RGS12: variants seen among roughly 807,000 people sequenced by gnomAD.
RGS12 encodes regulator of G-protein signaling 12.
In RGS12, 66 loss-of-function variants were observed where a neutral mutation model predicts 120.1. The observed-to-expected ratio is 0.55, with a 90% confidence interval of 0.45 to 0.67. RGS12 has a LOEUF of 0.67. Ranked by LOEUF, RGS12 falls within the 30% of genes least tolerant of loss-of-function variation. The pLI is 0.00. For synonymous variants in RGS12, 827 were observed against 804.7 expected (o/e 1.03, Z -0.47); for missense variants, 1,859 against 1,957.7 (o/e 0.95, Z 0.95).
chr4:3,347,774 T>G (rs976030498), intron 3 of RGS12, among the ~76,000 whole-genome samples: 3 of 152,230 alleles, frequency 2.0e-5, no homozygotes, highest in African/African-American at 7.2e-5. Flanking sequence ...GAAAACAGAA[T>G]AGCTATGGTT....
intron 3 of RGS12, among the ~76,000 whole-genome samples, chr4:3,344,054 C>T (rs140169665): frequency 2.6e-5 from 4 of 152,224 alleles, no homozygotes; most frequent in Non-Finnish European, 5.9e-5. Flanking sequence ...TCTCCTTCAG[C>T]GCGTGTGGGA....
chr4:3,332,977 C>A (rs1171519431), intron 2 of RGS12, among the ~76,000 whole-genome samples: 2 of 151,852 alleles, frequency 1.3e-5, no homozygotes, highest in African/African-American at 4.8e-5. Context: ...GGGCACATGC[C>A]ACCACACCTG....
At chr4:3,349,297 C>T (rs983024423) in intron 3 of RGS12, among the ~76,000 whole-genome samples, 4 of 152,178 alleles carry the variant, frequency 2.6e-5, no homozygotes, top group African/African-American at 9.7e-5. Context: ...AGCCTTTCTG[C>T]TTTGTTCTGT....
intron 2 of RGS12, among the ~76,000 whole-genome samples, chr4:3,331,981 C>G (rs75129253): frequency 6.6e-6 from 1 of 152,306 alleles, no homozygotes; most frequent in South Asian, 2.1e-4. Context: ...GGAATGGTAT[C>G]GCAGTGAGGA....
rs1285020090 is a variant in RGS12, at chr4:3,428,620, T to C, written c.3474T>C (p.Asn1158=). Reference sequence around the variant, plus strand: ...AAATAAAAGGAGAAAATGGAAAAAATGCTAGGGATCCCCGGCTTTCAAAGA... The same window carrying C: ...AAATAAAAGGAGAAAATGGAAAAAACGCTAGGGATCCCCGGCTTTCAAAGA... The part of the protein sequence containing the change: ...SIKIKGENGK[N]ARDPRLSKRE... The change falls in exon 16 of 18, where the codon AAT becomes AAC. Residue 1158 remains asparagine (N), a synonymous_variant. Coordinates refer to ENST00000336727, the MANE Select transcript of RGS12 (RefSeq NM_001394154.1). The C allele has an allele frequency of 1.2e-6, 2 of 1,605,028 alleles. No individual in the cohort carries two copies. The highest frequency in any genetic ancestry group is 3.4e-5 in the Admixed American group (2 of 58,244).
At chr4:3,423,116 A>AGGGGGGGGGGGGGGGGGGGGGGGG in intron 12 of RGS12, 138 bp downstream of exon 12, 1 of 390,972 alleles carries the variant, frequency 2.6e-6, no homozygotes, top group Non-Finnish European at 5.0e-6. Context: ...GGGCGGGGGG[A>AGGGGGGGGGGGGGGGGGGGGGGGG]GGGTGGAGGC....
At chr4:3,318,609 CAAG>C (rs1310732920) in intron 2 of RGS12, among the ~76,000 whole-genome samples, 1 of 152,238 alleles carries the variant, frequency 6.6e-6, no homozygotes, top group Non-Finnish European at 1.5e-5. Flanking sequence ...AGGGGTACCT[CAAG>C]GTGTGTAGTG....
intron 3 of RGS12, among the ~76,000 whole-genome samples, chr4:3,384,503 G>A (rs929215220): frequency 1.3e-5 from 2 of 152,174 alleles, no homozygotes; most frequent in Non-Finnish European, 2.9e-5. Context: ...GATTTATTGC[G>A]GGCATGGAAG....
intron 2 of RGS12, among the ~76,000 whole-genome samples, chr4:3,321,458 T>G (rs1725183616): frequency 6.6e-6 from 1 of 152,130 alleles, no homozygotes; most frequent in African/African-American, 2.4e-5. Context: ...AGGAGCCATG[T>G]GGTCTTCAAG....
At chr4:3,323,792 T>C (rs2108701731) in intron 2 of RGS12, among the ~76,000 whole-genome samples, 1 of 152,286 alleles carries the variant, frequency 6.6e-6, no homozygotes, top group East Asian at 1.9e-4. Context: ...TGTATGTGCA[T>C]TTTAAAGTTT....
intron 16 of RGS12, 56 bp from the exon 17 acceptor site, chr4:3,430,351 C>G: frequency 6.8e-7 from 1 of 1,465,406 alleles, no homozygotes; most frequent in Non-Finnish European, 9.4e-7. Context: ...TCTGCGGTGA[C>G]AGTCATTAAT....
intron 17 of RGS12, among the ~76,000 whole-genome samples, chr4:3,432,547 C>T (rs1244277259): frequency 6.6e-6 from 1 of 152,204 alleles, no homozygotes; most frequent in Non-Finnish European, 1.5e-5. Flanking sequence ...GCCAGACAGA[C>T]CCACGTGGGG....
the RGS12 span, among the ~76,000 whole-genome samples, chr4:3,287,003 G>A: frequency 1.3e-5 from 2 of 152,200 alleles, no homozygotes; most frequent in Non-Finnish European, 2.9e-5. Context: ...TGGGTGAATG[G>A]GTTGGGGCCA....
intron 4 of RGS12, among the ~76,000 whole-genome samples, chr4:3,394,758 A>G (rs905929069): frequency 6.6e-6 from 1 of 152,196 alleles, no homozygotes; most frequent in Non-Finnish European, 1.5e-5. Flanking sequence ...TGTTATCAGC[A>G]CTCAGACCAA....
chr4:3,427,984 T>C, intron 14 of RGS12, 106 bp from the exon 15 acceptor site: 1 of 1,078,324 alleles, frequency 9.3e-7, no homozygotes, highest in Middle Eastern at 2.0e-4. Context: ...AGATGCCTTG[T>C]GGCTTCTCTA....
intron 2 of RGS12, among the ~76,000 whole-genome samples, chr4:3,338,727 C>T (rs1204420367): frequency 6.6e-6 from 1 of 152,116 alleles, no homozygotes; most frequent in Non-Finnish European, 1.5e-5. Flanking sequence ...GAGATGGTGC[C>T]CTGGGGGCCA....
At chr4:3,429,417 G>A (rs560341244) in intron 16 of RGS12, among the ~76,000 whole-genome samples, 7 of 152,324 alleles carry the variant, frequency 4.6e-5, no homozygotes, top group African/African-American at 1.7e-4. Context: ...AGCTGGCTGT[G>A]GAGTCTGACC....
chr4:3,298,573 C>T lies in RGS12; in HGVS notation c.-102+5474C>T, dbSNP rs561639466. On this transcript the variant is annotated intron_variant, in intron 1 of 17. Coordinates refer to ENST00000336727, the MANE Select transcript of RGS12 (RefSeq NM_001394154.1). ...TCGTCATGTTGCCCCTTTGCTGTTT[C>T]TAAGAAGTCAGTCACTCTGGTAGCT... Among the ~76,000 whole-genome samples, 38 of 152,290 alleles carry T rather than the reference C, an allele frequency of 2.5e-4. 1 individual carries two copies. The highest frequency in any genetic ancestry group is 8.7e-4 in the African/African-American group (36 of 41,558).
rs146241972 is a variant in RGS12, at chr4:3,369,800, C to T, written c.1999-16616C>T. 490 of 156,684 alleles carry T rather than the reference C, an allele frequency of 3.1e-3. 3 individuals carry two copies. The highest frequency in any genetic ancestry group is 4.1e-3 in the Admixed American group (63 of 15,514). The allele number at this position is 156,684 out of a possible 1,614,324, so 9.7% of individuals were successfully genotyped here. ...GGTGGGCAGAGCAGATCACGGAATA[C>T]AGATAGCACTGAGAGGGCTTTAGGC... On this transcript the variant is annotated intron_variant, in intron 3 of 17. Coordinates refer to ENST00000336727, the MANE Select transcript of RGS12 (RefSeq NM_001394154.1).
Sources: gnomAD v4.1 joint callset for allele counts (sites outside exome capture counted in the v4.1 genomes callset) on GRCh38, gnomAD v4.1.1 for gene constraint, MANE v1.5 for transcripts, NCBI Gene and HGNC (gene_info 2026-07-23, HGNC 2026-07-21) for gene names.